GRID2: variants seen among roughly 807,000 people sequenced by gnomAD.
The protein encoded by GRID2 is glutamate receptor ionotropic, delta-2.
In GRID2, 33 loss-of-function variants were observed where a neutral mutation model predicts 114.8. The ratio of observed to expected loss-of-function variants is 0.29; its 90% CI spans 0.22 to 0.38. The LOEUF (loss-of-function observed/expected upper bound fraction) is 0.38, where lower values mean the gene tolerates loss of function less well. Ranked by LOEUF, GRID2 falls within the 10% of genes least tolerant of loss-of-function variation. The pLI is 1.00. For missense variants in GRID2, 1,184 were observed against 1,257.7 expected, an observed-to-expected ratio of 0.94 and a Z score of 0.89; for synonymous variants, 505 against 449.9, an observed-to-expected ratio of 1.12 and a Z score of -1.55.
At chr4:92,767,501 C>T (rs1029045694) in intron 2 of GRID2, among the ~76,000 whole-genome samples, 4 of 152,054 alleles carry the variant, frequency 2.6e-5, no homozygotes, top group African/African-American at 7.2e-5. Flanking sequence ...TAAGACAAAG[C>T]ATTTCATGGG....
chr4:93,556,566 T>C (rs901994570), intron 13 of GRID2, among the ~76,000 whole-genome samples: 1 of 151,478 alleles, frequency 6.6e-6, no homozygotes, highest in Non-Finnish European at 1.5e-5. Context: ...AAAAAAGGAA[T>C]AAAAAGGAAG....
chr4:93,496,014 GT>G (rs1174189934), intron 12 of GRID2, among the ~76,000 whole-genome samples: 1 of 151,328 alleles, frequency 6.6e-6, no homozygotes, highest in Non-Finnish European at 1.5e-5. Flanking sequence ...GCATCTCAAG[GT>G]CTACTATTCG....
chr4:92,551,422 C>A (rs1354455607), intron 1 of GRID2, among the ~76,000 whole-genome samples: 1 of 152,036 alleles, frequency 6.6e-6, no homozygotes, highest in East Asian at 1.9e-4. Context: ...AGATTGTGTC[C>A]CTTAGTTGCC....
intron 2 of GRID2, among the ~76,000 whole-genome samples, chr4:92,720,159 A>G (rs146599974): frequency 8.3e-4 from 126 of 152,202 alleles, no homozygotes; most frequent in African/African-American, 3.0e-3. Flanking sequence ...TTTACTGTAC[A>G]TTAATTTTCA....
At chr4:93,211,154 G>A (rs553360997) in intron 5 of GRID2, among the ~76,000 whole-genome samples, 27 of 151,844 alleles carry the variant, frequency 1.8e-4, no homozygotes, top group Non-Finnish European at 3.4e-4. Flanking sequence ...GCTTCCACAA[G>A]TATACCTGAA....
intron 4 of GRID2, among the ~76,000 whole-genome samples, chr4:93,149,636 A>G (rs1736565995): frequency 6.6e-6 from 1 of 151,780 alleles, no homozygotes; most frequent in Non-Finnish European, 1.5e-5. Context: ...GCTTTTATTT[A>G]TGTATTTATT....
At chr4:92,783,251 A>G (rs1739168982) in intron 2 of GRID2, among the ~76,000 whole-genome samples, 1 of 152,078 alleles carries the variant, frequency 6.6e-6, no homozygotes, top group Admixed American at 6.6e-5. Flanking sequence ...CTTCTTTTAT[A>G]GAATTAGGGT....
chr4:93,579,738 G>T (rs1003173804), intron 13 of GRID2, among the ~76,000 whole-genome samples: 3 of 152,136 alleles, frequency 2.0e-5, no homozygotes, highest in African/African-American at 7.2e-5. Flanking sequence ...GGCAACGCTT[G>T]CCCACACCAA....
chr4:92,517,573 C>T (rs1233691361), intron 1 of GRID2, among the ~76,000 whole-genome samples: 9 of 151,820 alleles, frequency 5.9e-5, no homozygotes, highest in East Asian at 3.9e-4. Flanking sequence ...TTCCTTTTAA[C>T]GTATATGAAC....
intron 8 of GRID2, among the ~76,000 whole-genome samples, chr4:93,387,908 A>G (rs115461306): frequency 0.012 from 1,886 of 152,174 alleles, 45 homozygotes; most frequent in African/African-American, 0.043. Flanking sequence ...AATCATCTAA[A>G]TTTGTTTAGT....
chr4:92,740,753 TAGAC>T (rs370484496), intron 2 of GRID2, among the ~76,000 whole-genome samples: 5,901 of 149,704 alleles, frequency 0.039, 154 homozygotes, highest in Middle Eastern at 0.071. Flanking sequence ...GATAGATAGA[TAGAC>T]AGATAGATAG....
At position 92,996,294 on chromosome 4, in the gene GRID2, T is replaced by TA. The variant is rs113968153; in HGVS notation, c.245-88690dup. Among the ~76,000 whole-genome samples the TA allele has an allele frequency of 2.1e-3, 298 of 145,088 alleles. 1 individual carries two copies. Among genetic ancestry groups the TA allele is most frequent in the Middle Eastern group, 3.6e-3 (1 of 278 alleles). ...GACAGAACAAGACTCTCTCTCTTTC[T>TA]AAAAAAAAAAATAAAAAAAATAAAA... On this transcript the variant is annotated intron_variant, in intron 2 of 15. Coordinates refer to ENST00000282020, the MANE Select transcript of GRID2 (RefSeq NM_001510.4).
intron 4 of GRID2, among the ~76,000 whole-genome samples, chr4:93,185,591 T>TA (rs1331397383): frequency 2.0e-5 from 3 of 152,182 alleles, no homozygotes; most frequent in African/African-American, 7.2e-5. Context: ...ATATATCTCT[T>TA]AAAAAATGGA....
chr4:92,756,021 A>G (rs1737703058), intron 2 of GRID2, among the ~76,000 whole-genome samples: 1 of 152,090 alleles, frequency 6.6e-6, no homozygotes, highest in Admixed American at 6.6e-5. Flanking sequence ...GTTATTAACT[A>G]TAGTCACCCT....
At chr4:92,552,109 A>AG (rs1726622273) in intron 1 of GRID2, among the ~76,000 whole-genome samples, 1 of 152,130 alleles carries the variant, frequency 6.6e-6, no homozygotes, top group Admixed American at 6.6e-5. Context: ...TTTAGATGAA[A>AG]GGGTAGTGCA....
intron 2 of GRID2, among the ~76,000 whole-genome samples, chr4:92,738,255 C>G (rs1736699637): frequency 6.6e-6 from 1 of 152,048 alleles, no homozygotes; most frequent in Non-Finnish European, 1.5e-5. Flanking sequence ...ATCATAAGCT[C>G]TCTTTCAGAT....
At chr4:92,405,762 T>C (rs1730998024) in intron 1 of GRID2, among the ~76,000 whole-genome samples, 1 of 152,130 alleles carries the variant, frequency 6.6e-6, no homozygotes, top group Admixed American at 6.6e-5. Context: ...GAGGTCTTAT[T>C]TCTAATGGAA....
At chr4:93,432,904 A>G (rs967352326) in intron 10 of GRID2, among the ~76,000 whole-genome samples, 7 of 152,194 alleles carry the variant, frequency 4.6e-5, no homozygotes, top group Non-Finnish European at 7.4e-5. Context: ...CTCTAAAAAA[A>G]TAAACATTAA....
intron 8 of GRID2, among the ~76,000 whole-genome samples, chr4:93,385,936 T>G (rs1764272154): frequency 6.6e-6 from 1 of 152,220 alleles, no homozygotes; most frequent in Non-Finnish European, 1.5e-5. Context: ...GAGTTAGATA[T>G]GTATTCACAA....
Sources: gnomAD v4.1 joint callset for allele counts (sites outside exome capture counted in the v4.1 genomes callset) on GRCh38, gnomAD v4.1.1 for gene constraint, MANE v1.5 for transcripts, NCBI Gene and HGNC (gene_info 2026-07-23, HGNC 2026-07-21) for gene names.